The following EFCAB13 variants were observed in gnomAD, a reference collection of about 807,000 sequenced individuals.
EFCAB13 encodes the protein EF-hand calcium binding domain 13.
A neutral mutation model predicts 110.2 loss-of-function variants in EFCAB13; 91 were observed. The ratio of observed to expected loss-of-function variants is 0.83; its 90% CI spans 0.70 to 0.98. The LOEUF (loss-of-function observed/expected upper bound fraction) is 0.98. EFCAB13 is among the 50% of genes least tolerant of loss of function. The pLI, the probability that EFCAB13 is intolerant of heterozygous loss-of-function variation, is 0.00. For missense variants in EFCAB13, 968 were observed against 1,119.4 expected (o/e 0.86, Z 1.93); for synonymous variants, 323 against 369.9 (o/e 0.87, Z 1.45).
chr17:47,380,715 A>G (rs2065642489), intron 14 of EFCAB13, among the ~76,000 whole-genome samples: 2 of 152,112 alleles, frequency 1.3e-5, no homozygotes, highest in East Asian at 1.9e-4. Context: ...AAGCGTTCCT[A>G]TTTCTCCACA....
At chr17:47,368,061 G>T (rs537824094) in intron 10 of EFCAB13, among the ~76,000 whole-genome samples, 5 of 152,238 alleles carry the variant, frequency 3.3e-5, no homozygotes, top group African/African-American at 1.2e-4. Context: ...GGCAACAAAT[G>T]CATTATTCCA....
chr17:47,409,489 T>C, intron 20 of EFCAB13, 158 bp from the exon 21 acceptor site: 3 of 614,974 alleles, frequency 4.9e-6, no homozygotes, highest in Non-Finnish European at 5.9e-6. Flanking sequence ...ATGGATATTT[T>C]GGGAGCCAGG....
intron 8 of EFCAB13, among the ~76,000 whole-genome samples, chr17:47,345,923 A>G (rs913815751): frequency 5.3e-5 from 8 of 152,158 alleles, no homozygotes; most frequent in African/African-American, 1.9e-4. Flanking sequence ...ATACTCAATT[A>G]TGTCACCTAT....
chr17:47,435,123 A>C (rs1393040823), intron 24 of EFCAB13, among the ~76,000 whole-genome samples: 1 of 152,166 alleles, frequency 6.6e-6, no homozygotes, highest in Non-Finnish European at 1.5e-5. Flanking sequence ...GAAAATATTC[A>C]CAAACTCTAC....
chr17:47,388,591 C>T (rs998764853), intron 14 of EFCAB13, among the ~76,000 whole-genome samples: 1 of 152,116 alleles, frequency 6.6e-6, no homozygotes, highest in African/African-American at 2.4e-5. Context: ...AGTTCATCCC[C>T]TTTTAAGGCT....
intron 11 of EFCAB13, among the ~76,000 whole-genome samples, chr17:47,372,754 G>T (rs558362006): frequency 6.6e-6 from 1 of 151,978 alleles, no homozygotes; most frequent in East Asian, 1.9e-4. Flanking sequence ...TGAATATATA[G>T]TCCATTCTCT....
intron 22 of EFCAB13, 127 bp downstream of exon 22, chr17:47,413,043 C>T: frequency 1.2e-6 from 1 of 839,488 alleles, no homozygotes; most frequent in Non-Finnish European, 1.8e-6. Flanking sequence ...TAGGTTGATA[C>T]AAATTAGAGC....
At chr17:47,407,663 T>C (rs1261542515) in intron 20 of EFCAB13, among the ~76,000 whole-genome samples, 2 of 152,242 alleles carry the variant, frequency 1.3e-5, no homozygotes, top group Non-Finnish European at 2.9e-5. Context: ...AAGTAATGGA[T>C]GACTCCTTTG....
In EFCAB13 at chr17:47,400,419, C is replaced by G. The variant is rs867581072; in HGVS notation, c.1946-1713C>G. Reference sequence around the variant, plus strand: ...AAATCTTTCCTAATATTGGTAGTTGCTATTCTATTTCAGCAAGTTGTATGA... The same window carrying G: ...AAATCTTTCCTAATATTGGTAGTTGGTATTCTATTTCAGCAAGTTGTATGA... On this transcript the variant is annotated intron_variant, in intron 17 of 24. Transcript: ENST00000331493. Among the ~76,000 whole-genome samples, 16 of 152,220 alleles carry G rather than the reference C, an allele frequency of 1.1e-4. 1 individual carries two copies. In the Middle Eastern group the frequency reaches 0.017, roughly 162 times the overall value.
intron 19 of EFCAB13, 74 bp downstream of exon 19, chr17:47,404,095 T>A: frequency 8.6e-7 from 1 of 1,158,024 alleles, no homozygotes; most frequent in Non-Finnish European, 1.2e-6. Flanking sequence ...CTATAGGTAT[T>A]TGCTTATGTT....
intron 4 of EFCAB13, among the ~76,000 whole-genome samples, chr17:47,332,106 A>G (rs912465784): frequency 2.0e-5 from 3 of 152,278 alleles, no homozygotes; most frequent in Non-Finnish European, 2.9e-5. Context: ...GTTGGATTGT[A>G]TGGTAAAAGT....
intron 10 of EFCAB13, among the ~76,000 whole-genome samples, chr17:47,367,776 C>T (rs1027861477): frequency 6.6e-6 from 1 of 152,134 alleles, no homozygotes; most frequent in Non-Finnish European, 1.5e-5. Context: ...AACCAGTCCT[C>T]TCATCAAGAA....
chr17:47,417,332 A>C (rs1431025262), intron 23 of EFCAB13, among the ~76,000 whole-genome samples: 1 of 152,206 alleles, frequency 6.6e-6, no homozygotes, highest in Non-Finnish European at 1.5e-5. Context: ...TTATGGAAAT[A>C]CATCATAATT....
intron 10 of EFCAB13, among the ~76,000 whole-genome samples, chr17:47,366,071 T>C (rs998105711): frequency 1.3e-5 from 2 of 152,152 alleles, no homozygotes; most frequent in African/African-American, 4.8e-5. Flanking sequence ...GCACTGCAGG[T>C]ACTGTTCCAG....
intron 9 of EFCAB13, among the ~76,000 whole-genome samples, chr17:47,352,349 G>A (rs960643860): frequency 6.6e-6 from 1 of 152,100 alleles, no homozygotes; most frequent in Non-Finnish European, 1.5e-5. Context: ...TGAAAAGAGT[G>A]TCCTTTCACC....
At chr17:47,409,823 A>C in intron 21 of EFCAB13, 132 bp downstream of exon 21, 1 of 684,576 alleles carries the variant, frequency 1.5e-6, no homozygotes, top group Non-Finnish European at 2.6e-6. Context: ...CACAATAGTA[A>C]TCTGATCATG....
intron 9 of EFCAB13, among the ~76,000 whole-genome samples, chr17:47,351,716 T>A (rs1297934505): frequency 6.6e-6 from 1 of 152,094 alleles, no homozygotes; most frequent in African/African-American, 2.4e-5. Flanking sequence ...TTGCAAATAT[T>A]TTCTCCTATT....
chr17:47,440,408 G>T (rs56330182), intron 24 of EFCAB13, 23 bp from the exon 25 acceptor site: 129,458 of 1,525,692 alleles, frequency 0.085, 7,236 homozygotes, highest in East Asian at 0.28. Flanking sequence ...TTTCTTTTAA[G>T]TAAATTATGC....
chr17:47,359,199 TG>T (rs1249996959), intron 9 of EFCAB13, among the ~76,000 whole-genome samples: 1 of 152,108 alleles, frequency 6.6e-6, no homozygotes, highest in Non-Finnish European at 1.5e-5. Context: ...CGGGGCATAG[TG>T]GTACGTGTCT....
Sources: gnomAD v4.1 joint callset for allele counts (sites outside exome capture counted in the v4.1 genomes callset) on GRCh38, gnomAD v4.1.1 for gene constraint, MANE v1.5 for transcripts, NCBI Gene and HGNC (gene_info 2026-07-23, HGNC 2026-07-21) for gene names.